Variants in RBFOX1 observed in about 807,000 individuals in gnomAD.
The protein encoded by RBFOX1 is RNA binding fox-1 homolog 1, also known as RNA binding protein fox-1 homolog 1.
A neutral mutation model predicts 57.7 loss-of-function variants in RBFOX1; 8 were observed. That is an observed-to-expected ratio of 0.14 (90% confidence interval 0.08 to 0.25). The LOEUF is 0.25. Ranked by LOEUF, RBFOX1 falls within the 10% of genes least tolerant of loss-of-function variation. The pLI is 1.00. For missense variants in RBFOX1, 611 were observed against 548.5 expected (o/e 1.11, Z -1.14); for synonymous variants, 326 against 222.4 (o/e 1.47, Z -4.15).
At chr16:6,252,814 A>G (rs2097629062) in intron 1 of RBFOX1, among the ~76,000 whole-genome samples, 1 of 152,174 alleles carries the variant, frequency 6.6e-6, no homozygotes, top group Non-Finnish European at 1.5e-5. Context: ...GTTCCTGATA[A>G]CCACATTCTG....
At chr16:6,862,326 CG>C (rs1344862040) in intron 3 of RBFOX1, among the ~76,000 whole-genome samples, 1 of 152,020 alleles carries the variant, frequency 6.6e-6, no homozygotes, top group African/African-American at 2.4e-5. Flanking sequence ...AGCTCACAGG[CG>C]ATGCTGATCG....
chr16:6,812,290 C>A (rs1005615992), intron 3 of RBFOX1, among the ~76,000 whole-genome samples: 1 of 152,158 alleles, frequency 6.6e-6, no homozygotes. Flanking sequence ...TTAGACCAAG[C>A]TAGGACGGTC....
At chr16:7,379,282 C>A (rs151216280) in intron 4 of RBFOX1, among the ~76,000 whole-genome samples, 1 of 152,158 alleles carries the variant, frequency 6.6e-6, no homozygotes, top group African/African-American at 2.4e-5. Context: ...TGTGCCCTGC[C>A]TCTTTCTGTC....
chr16:5,840,108 A>G (rs1299201694), intron 3 of RBFOX1, among the ~76,000 whole-genome samples: 2 of 152,110 alleles, frequency 1.3e-5, no homozygotes, highest in South Asian at 2.1e-4. Flanking sequence ...CTCTTCCTCA[A>G]TTTCTCTGCA....
chr16:7,287,977 G>C (rs540057408), intron 4 of RBFOX1, among the ~76,000 whole-genome samples: 20 of 152,228 alleles, frequency 1.3e-4, no homozygotes, highest in South Asian at 1.0e-3. Context: ...ACTGGCTGTT[G>C]AACGAAAAAT....
intron 2 of RBFOX1, among the ~76,000 whole-genome samples, chr16:6,501,682 T>G (rs2095934743): frequency 6.6e-6 from 1 of 152,150 alleles, no homozygotes; most frequent in Non-Finnish European, 1.5e-5. Context: ...TCCTGACGTT[T>G]CTGATCTCAT....
chr16:6,577,335 A>G (rs1170749020), intron 2 of RBFOX1: 1 of 152,184 alleles, frequency 6.6e-6, no homozygotes, highest in African/African-American at 2.4e-5. Flanking sequence ...CTGAAAGCAA[A>G]GGTTTAGATT....
At chr16:5,270,328 C>T (rs1194913028) in intron 1 of RBFOX1, 11 of 757,906 alleles carry the variant, frequency 1.5e-5, no homozygotes, top group Non-Finnish European at 2.1e-5. Flanking sequence ...TCACCAGGAC[C>T]CGAGGAACCC....
intron 3 of RBFOX1, among the ~76,000 whole-genome samples, chr16:6,973,719 C>T (rs751375694): frequency 7.2e-5 from 11 of 152,260 alleles, no homozygotes; most frequent in Non-Finnish European, 1.0e-4. Context: ...TTGTGATACT[C>T]ACTTTTAAGT....
intron 3 of RBFOX1, among the ~76,000 whole-genome samples, chr16:5,792,743 T>C (rs555491816): frequency 6.6e-6 from 1 of 152,204 alleles, no homozygotes; most frequent in South Asian, 2.1e-4. Flanking sequence ...CTCAGGAGGC[T>C]GAGGCAGGAG....
At chr16:5,775,460 C>T (rs1004970516) in intron 3 of RBFOX1, among the ~76,000 whole-genome samples, 6 of 152,174 alleles carry the variant, frequency 3.9e-5, no homozygotes, top group Non-Finnish European at 5.9e-5. Flanking sequence ...GAAAGTAACA[C>T]GGTGGAAACA....
intron 3 of RBFOX1, among the ~76,000 whole-genome samples, chr16:6,771,782 A>G (rs1351136552): frequency 6.6e-6 from 1 of 152,156 alleles, no homozygotes; most frequent in East Asian, 1.9e-4. Context: ...GCCCCCTATG[A>G]CAATAAGTTA....
chr16:5,664,185 A>G (rs1480325353), intron 3 of RBFOX1, among the ~76,000 whole-genome samples: 1 of 152,206 alleles, frequency 6.6e-6, no homozygotes, highest in African/African-American at 2.4e-5. Flanking sequence ...CACATCTTTA[A>G]GGAACTGCAT....
At chr16:7,707,758 C>T (rs757213288) in intron 14 of RBFOX1, among the ~76,000 whole-genome samples, 1 of 152,168 alleles carries the variant, frequency 6.6e-6, no homozygotes, top group Non-Finnish European at 1.5e-5. Flanking sequence ...CTAGGTGGAA[C>T]CTGCTGTAGC....
intron 3 of RBFOX1, among the ~76,000 whole-genome samples, chr16:6,887,136 T>C (rs910577872): frequency 3.3e-5 from 5 of 152,188 alleles, no homozygotes; most frequent in African/African-American, 1.2e-4. Context: ...TTTACATTGT[T>C]ATTGTTGACT....
chr16:6,391,759 G>A (rs141563186), intron 2 of RBFOX1, among the ~76,000 whole-genome samples: 1 of 152,238 alleles, frequency 6.6e-6, no homozygotes, highest in East Asian at 1.9e-4. Flanking sequence ...GGGAGAGAAG[G>A]AGAAGATTAA....
At chr16:7,018,981 A>G (rs1486622446) in intron 3 of RBFOX1, among the ~76,000 whole-genome samples, 1 of 152,028 alleles carries the variant, frequency 6.6e-6, no homozygotes, top group Non-Finnish European at 1.5e-5. Flanking sequence ...CAATAAATAA[A>G]TAAATAAGCA....
intron 3 of RBFOX1, among the ~76,000 whole-genome samples, chr16:6,829,388 C>G (rs960380514): frequency 6.7e-6 from 1 of 150,306 alleles, no homozygotes; most frequent in Non-Finnish European, 1.5e-5. Flanking sequence ...TACACAGACA[C>G]ACATAGATAT....
At chr16:5,964,250 G>A (rs1291122333) in intron 4 of RBFOX1, among the ~76,000 whole-genome samples, 2 of 152,152 alleles carry the variant, frequency 1.3e-5, no homozygotes, top group Non-Finnish European at 2.9e-5. Flanking sequence ...AAACGTAAGT[G>A]TTGGTGACGT....
Sources: allele counts gnomAD v4.1 joint callset (sites outside exome capture counted in the v4.1 genomes callset), GRCh38; gene constraint gnomAD v4.1.1; transcripts MANE v1.5; gene names NCBI Gene and HGNC (gene_info 2026-07-23, HGNC 2026-07-21).